The following FAAH2 variants were observed in gnomAD, a reference collection of about 807,000 sequenced individuals.
FAAH2 encodes the protein fatty acid amide hydrolase 2.
In FAAH2, 60 loss-of-function variants were observed where a neutral mutation model predicts 36.9. That is an observed-to-expected ratio of 1.63 (90% CI 1.32 to 2.02). FAAH2 has a LOEUF of 2.02. FAAH2 is among the 30% of genes most tolerant of loss of function. The pLI is 0.00. For synonymous variants in FAAH2, 214 were observed against 143.8 expected, an observed-to-expected ratio of 1.49 and a Z score of -3.49; for missense variants, 689 against 397.5, an observed-to-expected ratio of 1.73 and a Z score of -6.23.
At chrX:57,456,352 A>T (rs933485530) in intron 10 of FAAH2, among the ~76,000 whole-genome samples, 9 of 111,841 alleles carry the variant, frequency 8.0e-5, no homozygotes, top group Non-Finnish European at 1.5e-4. Flanking sequence ...GGTTAGAAAG[A>T]TGTCAAATTA....
At chrX:57,461,591 C>A (rs147473111) in intron 10 of FAAH2, among the ~76,000 whole-genome samples, 1,542 of 111,334 alleles carry the variant, frequency 0.014, 34 homozygotes, top group African/African-American at 0.049. Flanking sequence ...TAAATAAGTT[C>A]TTTGAAACCA....
At chrX:57,221,167 G>T in the FAAH2 span, among the ~76,000 whole-genome samples, 1 of 110,309 alleles carries the variant, frequency 9.1e-6, no homozygotes, top group Non-Finnish European at 1.9e-5. Context: ...CTCTTTCTTA[G>T]TCCTGCCCTC....
intron 3 of FAAH2, among the ~76,000 whole-genome samples, chrX:57,328,475 C>A (rs1297116155): frequency 9.0e-6 from 1 of 111,586 alleles, no homozygotes; most frequent in Non-Finnish European, 1.9e-5. Context: ...ATTGTGAATT[C>A]TAGCTTCCTT....
chrX:57,461,731 A>G (rs1354058845), intron 10 of FAAH2, among the ~76,000 whole-genome samples: 1 of 110,434 alleles, frequency 9.1e-6, no homozygotes, highest in Non-Finnish European at 1.9e-5. Context: ...CTAACATCAC[A>G]ATTATAAGAA....
chrX:57,187,263 C>A, the FAAH2 span, among the ~76,000 whole-genome samples: 1 of 110,721 alleles, frequency 9.0e-6, no homozygotes, highest in South Asian at 3.8e-4. Flanking sequence ...TTCAGTTCTC[C>A]TTGAAGAAGT....
At chrX:57,316,957 C>T (rs2052857712) in intron 3 of FAAH2, among the ~76,000 whole-genome samples, 1 of 111,620 alleles carries the variant, frequency 9.0e-6, no homozygotes, top group Non-Finnish European at 1.9e-5. Context: ...AGGCAACCTA[C>T]AGATTGGGAG....
the FAAH2 span, among the ~76,000 whole-genome samples, chrX:57,248,436 G>C: frequency 1.8e-5 from 2 of 111,553 alleles, no homozygotes; most frequent in African/African-American, 6.5e-5. Context: ...GATAGATAAA[G>C]AATAGCAATT....
chrX:57,302,712 G>A (rs1441863308), intron 2 of FAAH2, among the ~76,000 whole-genome samples: 2 of 111,279 alleles, frequency 1.8e-5, no homozygotes, highest in African/African-American at 3.3e-5. Flanking sequence ...GAATCACTGA[G>A]CAAGTGCAGG....
rs183478441 is a variant in FAAH2 at position 57,328,188 on chromosome X, G to T, written c.413-3410G>T. On this transcript the variant is annotated intron_variant, in intron 3 of 10. Transcript: ENST00000374900. ...GAACAGCAAATGTTGCTGCCTGATC[G>T]TTCCTCCGGAAGTTTTGTCTCAGAG... is the stretch of plus-strand genomic sequence containing the variant. 4.6e-3 allele frequency among the ~76,000 whole-genome samples: 510 copies of T among 111,449 alleles called. 3 individuals are homozygous for T. The highest frequency in any genetic ancestry group is 0.016 in the African/African-American group (483 of 30,669).
chrX:57,336,177 GA>G (rs2053547028), intron 4 of FAAH2, among the ~76,000 whole-genome samples: 2 of 111,297 alleles, frequency 1.8e-5, no homozygotes, highest in African/African-American at 6.5e-5. Context: ...TGCCTTAACT[GA>G]TGACATTGTC....
chrX:57,473,641 T>C (rs2057209704), intron 10 of FAAH2, among the ~76,000 whole-genome samples: 2 of 111,748 alleles, frequency 1.8e-5, no homozygotes, highest in Admixed American at 9.6e-5. Context: ...GATATGTTGC[T>C]ATCAATCTAT....
At chrX:57,163,751 G>A in the FAAH2 span, among the ~76,000 whole-genome samples, 2 of 112,045 alleles carry the variant, frequency 1.8e-5, no homozygotes, top group Non-Finnish European at 3.8e-5. Context: ...ACTGACCTGC[G>A]CCCACTGTCT....
At chrX:57,312,394 C>A (rs1345025937) in intron 3 of FAAH2, among the ~76,000 whole-genome samples, 3 of 111,802 alleles carry the variant, frequency 2.7e-5, no homozygotes, top group African/African-American at 9.8e-5. Flanking sequence ...CTATAGAGGC[C>A]AGGCACAGTG....
chrX:57,251,355 C>A, the FAAH2 span, among the ~76,000 whole-genome samples: 1 of 111,663 alleles, frequency 9.0e-6, no homozygotes, highest in East Asian at 2.8e-4. Context: ...GGTACCTCAA[C>A]ACAACAAAGG....
chrX:57,471,121 A>C (rs1243841739), intron 10 of FAAH2, among the ~76,000 whole-genome samples: 1 of 111,928 alleles, frequency 8.9e-6, no homozygotes, highest in African/African-American at 3.2e-5. Flanking sequence ...TATTTATAAC[A>C]AACTCACAGC....
At chrX:57,266,781 G>A in the FAAH2 span, among the ~76,000 whole-genome samples, 1 of 112,338 alleles carries the variant, frequency 8.9e-6, no homozygotes, top group Admixed American at 9.4e-5. Flanking sequence ...GGCTCCAGGA[G>A]ACAAGCAAAG....
chrX:57,405,710 CA>C (rs1204788917), intron 7 of FAAH2, among the ~76,000 whole-genome samples: 6 of 100,817 alleles, frequency 6.0e-5, no homozygotes, highest in Non-Finnish European at 4.0e-5. Context: ...TTTAAAAGAA[CA>C]GTCTTTAAGC....
intron 7 of FAAH2, among the ~76,000 whole-genome samples, chrX:57,406,380 A>T (rs1242135859): frequency 8.9e-6 from 1 of 111,738 alleles, no homozygotes; most frequent in Non-Finnish European, 1.9e-5. Flanking sequence ...TTTGGTGGGA[A>T]GTTTGCTCTA....
the FAAH2 span, among the ~76,000 whole-genome samples, chrX:57,212,281 G>A: frequency 1.8e-5 from 2 of 112,052 alleles, no homozygotes; most frequent in Non-Finnish European, 3.8e-5. Context: ...AAAGGAATGT[G>A]CACAATGATA....
Sources: allele counts gnomAD v4.1 joint callset (sites outside exome capture counted in the v4.1 genomes callset), GRCh38; gene constraint gnomAD v4.1.1; transcripts MANE v1.5; gene names NCBI Gene and HGNC (gene_info 2026-07-23, HGNC 2026-07-21).